DLGAP2: variants seen among roughly 807,000 people sequenced by gnomAD.
The protein encoded by DLGAP2 is disks large-associated protein 2.
Under a neutral mutation model 100.3 loss-of-function variants are expected in DLGAP2, and 26 were observed. That is an observed-to-expected ratio of 0.26 (90% confidence interval 0.19 to 0.36). The LOEUF is 0.36. Among genes scored for constraint, DLGAP2 ranks in the 10% least tolerant of loss-of-function variants. DLGAP2 has a pLI of 1.00. For synonymous variants in DLGAP2, 886 were observed against 630.1 expected (o/e 1.41, Z -6.08); for missense variants, 1,858 against 1,453.2 (o/e 1.28, Z -4.53).
chr8:1,263,406 A>G (rs7842228), intron 3 of DLGAP2, among the ~76,000 whole-genome samples: 31,241 of 152,132 alleles, frequency 0.21, 3,290 homozygotes, highest in Admixed American at 0.25. Flanking sequence ...GGGAAGACCT[A>G]CAGAATCTTA....
intron 1 of DLGAP2, among the ~76,000 whole-genome samples, chr8:843,123 G>T (rs1412898331): frequency 6.6e-6 from 1 of 152,184 alleles, no homozygotes; most frequent in Non-Finnish European, 1.5e-5. Flanking sequence ...CAGGATGATA[G>T]CTTTCTGTTG....
chr8:1,323,710 G>A (rs1223937065), intron 3 of DLGAP2, among the ~76,000 whole-genome samples: 1 of 152,210 alleles, frequency 6.6e-6, no homozygotes, highest in African/African-American at 2.4e-5. Context: ...CTTGCCAGGT[G>A]AGACAGGAGC....
chr8:1,382,355 G>C (rs1378105078), intron 3 of DLGAP2, among the ~76,000 whole-genome samples: 2 of 152,232 alleles, frequency 1.3e-5, no homozygotes, highest in Non-Finnish European at 2.9e-5. Context: ...GGGTGGCAGA[G>C]GAGGAAGAAG....
In DLGAP2 at chr8:1,676,542, G is replaced by C; in HGVS notation, c.2212G>C (p.Ala738Pro). 5 of 1,613,156 alleles carry C rather than the reference G, an allele frequency of 3.1e-6. No individual in the cohort carries two copies. Among genetic ancestry groups the C allele is most frequent in the Non-Finnish European group, 4.2e-6 (5 of 1,179,556 alleles). ...QPYPRSDVET[A>P]TDSDTESRGL... is the part of the protein sequence containing the mutation. The stretch of plus-strand genomic sequence containing the variant: ...TTCTCTGTTGAATTAGGTGGAAACG[G>C]CCACAGATTCTGACACGGAGAGCCG... Residue 738 changes from alanine (A) to proline (P), a missense_variant, in exon 11 of 15, where the codon GCC becomes CCC. Coordinates refer to ENST00000637795, the MANE Select transcript of DLGAP2 (RefSeq NM_001346810.2).
intron 2 of DLGAP2, among the ~76,000 whole-genome samples, chr8:1,151,957 G>A (rs1168669979): frequency 6.6e-6 from 1 of 152,216 alleles, no homozygotes; most frequent in Non-Finnish European, 1.5e-5. Context: ...TGGAATACAT[G>A]TTGGTTCCCA....
At chr8:873,879 A>G (rs1282199534) in intron 1 of DLGAP2, among the ~76,000 whole-genome samples, 1 of 152,014 alleles carries the variant, frequency 6.6e-6, no homozygotes, top group Non-Finnish European at 1.5e-5. Context: ...CAGTTTTTTG[A>G]TTTGCAGTCT....
At position 1,649,230 on chromosome 8, in the gene DLGAP2, TG is replaced by T. The variant is rs1798109620; in HGVS notation, c.1810+16185del. ...AAAAACCCAACCAGTAAATTCTTTTTGTTTCTTCAAAGCTACCAGAACACTC... is the reference window on the plus strand; with the variant it reads ...AAAAACCCAACCAGTAAATTCTTTTTTTTCTTCAAAGCTACCAGAACACTC... On this transcript the variant is annotated intron_variant, in intron 8 of 14. Coordinates refer to ENST00000637795, the MANE Select transcript of DLGAP2 (RefSeq NM_001346810.2). Among the ~76,000 whole-genome samples the T allele has an allele frequency of 3.3e-5, 5 of 152,150 alleles. No individual in the cohort carries two copies. In the East Asian group the frequency reaches 7.7e-4, roughly 24 times the overall value.
chr8:1,113,732 T>C (rs1469262096), intron 2 of DLGAP2, among the ~76,000 whole-genome samples: 5 of 152,126 alleles, frequency 3.3e-5, no homozygotes, highest in African/African-American at 1.2e-4. Flanking sequence ...TCCAATACTA[T>C]GTTGAATGGG....
At chr8:1,558,295 A>G (rs1010687583) in intron 5 of DLGAP2, among the ~76,000 whole-genome samples, 1 of 152,052 alleles carries the variant, frequency 6.6e-6, no homozygotes, top group African/African-American at 2.4e-5. Flanking sequence ...GGTTTTGTAC[A>G]CTCAGCTGTA....
intron 2 of DLGAP2, among the ~76,000 whole-genome samples, chr8:1,189,344 C>T (rs149968480): frequency 2.6e-5 from 4 of 152,344 alleles, no homozygotes; most frequent in African/African-American, 9.6e-5. Context: ...AGTCACACAT[C>T]CAGCAGGAAG....
intron 2 of DLGAP2, among the ~76,000 whole-genome samples, chr8:1,061,936 C>A (rs1803097189): frequency 6.6e-6 from 1 of 151,990 alleles, no homozygotes; most frequent in Admixed American, 6.5e-5. Flanking sequence ...CTGTGACGCT[C>A]CCTAGGAAGT....
intron 2 of DLGAP2, among the ~76,000 whole-genome samples, chr8:1,199,690 T>A (rs745782628): frequency 6.6e-6 from 1 of 152,120 alleles, no homozygotes; most frequent in Non-Finnish European, 1.5e-5. Flanking sequence ...GAGAGTCTTA[T>A]GGGTATTTGC....
intron 8 of DLGAP2, among the ~76,000 whole-genome samples, chr8:1,647,702 C>A (rs1798074437): frequency 6.6e-6 from 1 of 152,154 alleles, no homozygotes; most frequent in Non-Finnish European, 1.5e-5. Flanking sequence ...ACGCTTGAGG[C>A]TGCAGGAGCT....
intron 4 of DLGAP2, among the ~76,000 whole-genome samples, chr8:1,534,182 C>A (rs1163564782): frequency 1.3e-5 from 2 of 152,002 alleles, no homozygotes; most frequent in East Asian, 3.9e-4. Flanking sequence ...ATTAAGGAGC[C>A]CCTGATCTTG....
intron 2 of DLGAP2, among the ~76,000 whole-genome samples, chr8:1,107,057 C>T (rs1299219462): frequency 6.6e-6 from 1 of 152,164 alleles, no homozygotes; most frequent in Non-Finnish European, 1.5e-5. Flanking sequence ...ACTGACAATG[C>T]ATTTCCCATT....
intron 2 of DLGAP2, among the ~76,000 whole-genome samples, chr8:957,710 A>T (rs909778862): frequency 6.6e-6 from 1 of 152,230 alleles, no homozygotes; most frequent in Non-Finnish European, 1.5e-5. Context: ...TAGTTTTATT[A>T]ATCTTTCAAA....
intron 5 of DLGAP2, among the ~76,000 whole-genome samples, chr8:1,550,280 A>T (rs1328114555): frequency 6.6e-6 from 1 of 152,106 alleles, no homozygotes; most frequent in Non-Finnish European, 1.5e-5. Flanking sequence ...TCGAGGATTG[A>T]CGGCACGCTA....
chr8:1,648,759 C>T (rs1313526482), intron 8 of DLGAP2, among the ~76,000 whole-genome samples: 1 of 152,208 alleles, frequency 6.6e-6, no homozygotes, highest in Non-Finnish European at 1.5e-5. Flanking sequence ...CCCCTGGTCC[C>T]CTCAGTCATG....
In DLGAP2 at chr8:1,216,011, C is replaced by G. The variant is rs143755800; in HGVS notation, c.74-42840C>G. ...CATTAGGCACATCACCTGGAGACGT[C>G]TAGGCTCATGCAGTGCTTGGGAGGA... On this transcript the variant is annotated intron_variant, in intron 2 of 14. Transcript: ENST00000637795. Among the ~76,000 whole-genome samples, 904 of 152,318 alleles carry G rather than the reference C, an allele frequency of 5.9e-3. 7 individuals carry two copies. Among genetic ancestry groups the G allele is most frequent in the African/African-American group, 0.02 (825 of 41,576 alleles).
Sources: gnomAD v4.1 joint callset for allele counts (sites outside exome capture counted in the v4.1 genomes callset) on GRCh38, gnomAD v4.1.1 for gene constraint, MANE v1.5 for transcripts, NCBI Gene and HGNC (gene_info 2026-07-23, HGNC 2026-07-21) for gene names.